Variants in TNIK observed in about 807,000 individuals in gnomAD.
The protein encoded by TNIK is TRAF2 and NCK interacting kinase, also known as TRAF2 and NCK-interacting protein kinase.
In TNIK, 49 loss-of-function variants were observed where a neutral mutation model predicts 191.3. The observed-to-expected ratio is 0.26, with a 90% CI of 0.20 to 0.32. The LOEUF (loss-of-function observed/expected upper bound fraction) is 0.32. Ranked by LOEUF, TNIK falls within the 10% of genes least tolerant of loss-of-function variation. TNIK has a pLI of 1.00. For missense variants in TNIK, 1,155 were observed against 1,702.3 expected, an observed-to-expected ratio of 0.68 and a Z score of 5.66; for synonymous variants, 594 against 600.9, an observed-to-expected ratio of 0.99 and a Z score of 0.17.
At chr3:171,174,230 T>C (rs536946952) in intron 9 of TNIK, among the ~76,000 whole-genome samples, 31 of 152,070 alleles carry the variant, frequency 2.0e-4, no homozygotes, top group Non-Finnish European at 3.7e-4. Context: ...GGCTGCCCCC[T>C]GTATGGTAGA....
intron 20 of TNIK, 42 bp downstream of exon 20, chr3:171,108,023 G>C: frequency 1.3e-6 from 2 of 1,543,842 alleles, no homozygotes; most frequent in Non-Finnish European, 1.8e-6. Flanking sequence ...GGGTTCTCTG[G>C]TAAATTAAGA....
intron 1 of TNIK, among the ~76,000 whole-genome samples, chr3:171,453,478 T>C: frequency 6.6e-6 from 1 of 151,982 alleles, no homozygotes; most frequent in Non-Finnish European, 1.5e-5. Flanking sequence ...GGAGTGGTCG[T>C]CAAAACTGCA....
chr3:171,284,453 T>G (rs1750802720), intron 2 of TNIK, among the ~76,000 whole-genome samples: 2 of 152,118 alleles, frequency 1.3e-5, no homozygotes, highest in Admixed American at 6.5e-5. Context: ...AACAAATTAC[T>G]GATAAATCAA....
intron 1 of TNIK, among the ~76,000 whole-genome samples, chr3:171,379,291 T>C (rs1403212770): frequency 1.3e-5 from 2 of 152,262 alleles, no homozygotes; most frequent in African/African-American, 4.8e-5. Context: ...GATTATTGTC[T>C]ACTAGCTTAC....
chr3:171,210,182 G>A (rs573749791), intron 4 of TNIK, among the ~76,000 whole-genome samples: 64 of 152,298 alleles, frequency 4.2e-4, no homozygotes, highest in African/African-American at 1.4e-3. Flanking sequence ...AGGGACGGAA[G>A]GACAGAAGGT....
intron 2 of TNIK, among the ~76,000 whole-genome samples, chr3:171,316,496 G>C (rs1211400164): frequency 6.6e-6 from 1 of 152,150 alleles, no homozygotes; most frequent in East Asian, 1.9e-4. Flanking sequence ...TGACCAAACA[G>C]TATGAGCAAA....
At position 171,230,142 on chromosome 3, in the gene TNIK, C is replaced by T. The variant is rs537885274; in HGVS notation, c.124-1921G>A. Among the ~76,000 whole-genome samples the T allele has an allele frequency of 2.0e-5, 3 of 152,258 alleles. No individual in the cohort carries two copies. The South Asian group carries it at 6.2e-4, about 32-fold the overall frequency. On this transcript the variant is annotated intron_variant, in intron 2 of 32. Coordinates refer to ENST00000436636, the MANE Select transcript of TNIK (RefSeq NM_015028.4). Reference sequence around the variant, plus strand: ...GAGAGAAGTGCCACTGCTACAGAACCAGGAACACTAACTTTCTTGCAGAGC... The same window carrying T: ...GAGAGAAGTGCCACTGCTACAGAACTAGGAACACTAACTTTCTTGCAGAGC...
intron 1 of TNIK, among the ~76,000 whole-genome samples, chr3:171,441,950 A>C (rs1726866871): frequency 6.6e-6 from 1 of 152,212 alleles, no homozygotes; most frequent in African/African-American, 2.4e-5. Flanking sequence ...GTACTTAAAA[A>C]ATTTTGAGAG....
intron 2 of TNIK, among the ~76,000 whole-genome samples, chr3:171,335,723 T>A (rs984552437): frequency 8.5e-5 from 13 of 152,230 alleles, no homozygotes; most frequent in Non-Finnish European, 1.5e-5. Context: ...CTAAAGCTCC[T>A]ATGACCATTC....
chr3:171,445,236 G>A (rs868655550), intron 1 of TNIK, among the ~76,000 whole-genome samples: 3 of 151,866 alleles, frequency 2.0e-5, no homozygotes, highest in Non-Finnish European at 4.4e-5. Context: ...CCGAGATCAC[G>A]TAGGAAAGCC....
At chr3:171,083,840 T>C (rs1205210635) in intron 26 of TNIK, among the ~76,000 whole-genome samples, 1 of 152,172 alleles carries the variant, frequency 6.6e-6, no homozygotes, top group African/African-American at 2.4e-5. Flanking sequence ...TTGATCACAT[T>C]ATAGGCTTTG....
intron 23 of TNIK, among the ~76,000 whole-genome samples, chr3:171,089,030 T>C (rs1238270805): frequency 6.6e-6 from 1 of 152,242 alleles, no homozygotes; most frequent in Non-Finnish European, 1.5e-5. Context: ...CACCTGCCTC[T>C]GGCTGGAAGT....
intron 2 of TNIK, among the ~76,000 whole-genome samples, chr3:171,285,169 T>C (rs535976018): frequency 1.3e-5 from 2 of 152,372 alleles, no homozygotes; most frequent in Admixed American, 1.3e-4. Context: ...TGGACAGGAA[T>C]CATCTGTCTT....
intron 1 of TNIK, among the ~76,000 whole-genome samples, chr3:171,393,715 G>T (rs575457162): frequency 2.8e-4 from 43 of 152,330 alleles, no homozygotes; most frequent in African/African-American, 9.1e-4. Flanking sequence ...AAGGAACACA[G>T]TAACTGATCT....
At chr3:171,336,368 T>G (rs1756951173) in intron 2 of TNIK, among the ~76,000 whole-genome samples, 1 of 152,188 alleles carries the variant, frequency 6.6e-6, no homozygotes, top group African/African-American at 2.4e-5. Flanking sequence ...CTGTGTGCCT[T>G]TCTTTTAAAA....
intron 3 of TNIK, among the ~76,000 whole-genome samples, chr3:171,213,080 T>C (rs376951584): frequency 2.6e-5 from 4 of 152,210 alleles, no homozygotes; most frequent in South Asian, 4.2e-4. Context: ...TGACCACCTA[T>C]TCTTCTTAGC....
intron 3 of TNIK, among the ~76,000 whole-genome samples, chr3:171,212,564 C>T (rs1213761659): frequency 2.0e-5 from 3 of 152,172 alleles, no homozygotes; most frequent in Non-Finnish European, 2.9e-5. Context: ...GTTCTAGCCC[C>T]GTGAATCATC....
intron 1 of TNIK, among the ~76,000 whole-genome samples, chr3:171,402,970 TATG>T (rs1413660421): frequency 6.6e-6 from 1 of 152,194 alleles, no homozygotes; most frequent in African/African-American, 2.4e-5. Context: ...CATGCTCAGA[TATG>T]CACTGTCTAA....
At chr3:171,452,917 C>A (rs946239550) in intron 1 of TNIK, among the ~76,000 whole-genome samples, 1 of 151,972 alleles carries the variant, frequency 6.6e-6, no homozygotes, top group Non-Finnish European at 1.5e-5. Flanking sequence ...GTAATTGGTG[C>A]CCCCGGAATT....
Sources: allele counts gnomAD v4.1 joint callset (sites outside exome capture counted in the v4.1 genomes callset), GRCh38; gene constraint gnomAD v4.1.1; transcripts MANE v1.5; gene names NCBI Gene and HGNC (gene_info 2026-07-23, HGNC 2026-07-21).